Variants in SRM observed in about 807,000 individuals in gnomAD.
The protein encoded by SRM is putrescine aminopropyltransferase.
In SRM, 14 loss-of-function variants were observed where a neutral mutation model predicts 39.3. The observed-to-expected ratio is 0.36, with a 90% CI of 0.24 to 0.56. SRM has a LOEUF of 0.56. SRM is among the 20% of genes least tolerant of loss of function. The pLI is 0.86. For missense variants in SRM, 244 were observed against 409.2 expected (o/e 0.60, Z 3.48); for synonymous variants, 195 against 173.1 (o/e 1.13, Z -0.99).
At position 11,059,833 on chromosome 1, in the gene SRM, C is replaced by A. The variant is rs773212454; in HGVS notation, c.111G>T (p.Val37=). The A allele has an allele frequency of 6.4e-7, 1 of 1,574,252 alleles. No homozygotes were observed. ...LWPGQALSLQ[V]EQLLHHRRSR... Reference sequence around the variant, plus strand: ...AGCGCCGGTGGTGGAGCAGCTGCTCCACCTGCAGTGACAGGGCCTGGCCGG... The same window carrying A: ...AGCGCCGGTGGTGGAGCAGCTGCTCAACCTGCAGTGACAGGGCCTGGCCGG... The change falls in exon 1 of 8, where the codon GTG becomes GTT. Residue 37 remains valine, a synonymous_variant. Coordinates refer to ENST00000376957, the MANE Select transcript of SRM (RefSeq NM_003132.3).
intron 6 of SRM, 29 bp downstream of exon 6, chr1:11,055,752 A>AACCCCCCCCC: frequency 6.8e-7 from 1 of 1,466,030 alleles, no homozygotes; most frequent in Non-Finnish European, 9.3e-7. Flanking sequence ...CTTCCCCCCA[A>AACCCCCCCCC]CCCCCACCCC....
intron 3 of SRM, among the ~76,000 whole-genome samples, chr1:11,057,058 TAGAG>T (rs1638890929): frequency 6.6e-6 from 1 of 152,030 alleles, no homozygotes; most frequent in African/African-American, 2.4e-5. Flanking sequence ...AAATTTTTGG[TAGAG>T]ATAGAGTCTC....
chr1:11,058,577 AAAAAAAT>A, intron 3 of SRM: 1 of 415,722 alleles, frequency 2.4e-6, no homozygotes, highest in Non-Finnish European at 4.3e-6. Context: ...AAAAAAAAAA[AAAAAAAT>A]CAGCTCAGTT....
intron 4 of SRM, 56 bp downstream of exon 4, chr1:11,056,548 G>A (rs945424093): frequency 4.4e-6 from 7 of 1,605,298 alleles, no homozygotes; most frequent in Non-Finnish European, 5.1e-6. Context: ...GCCTGGGGGA[G>A]GCTGACCTCC....
intron 1 of SRM, 91 bp from the exon 2 acceptor site, chr1:11,059,436 C>T (rs1638937366): frequency 1.9e-6 from 3 of 1,571,834 alleles, no homozygotes; most frequent in Non-Finnish European, 2.6e-6. Flanking sequence ...TCTCCCCATC[C>T]CGCCTAGGGG....
chr1:11,059,932 G>T lies in SRM; in HGVS notation c.12C>A (p.Gly4=). MEP[G]PDGPAASGPA... is the part of the protein sequence containing the mutation. Reference sequence around the variant, plus strand: ...GGCCGGAGGCGGCGGGGCCGTCGGGGCCGGGCTCCATGGCGGGCGGGCGGG... The same window carrying T: ...GGCCGGAGGCGGCGGGGCCGTCGGGTCCGGGCTCCATGGCGGGCGGGCGGG... Residue 4 remains glycine, a synonymous_variant, in exon 1 of 8, where the codon GGC becomes GGA. Transcript: ENST00000376957. The T allele has an allele frequency of 8.4e-7, 1 of 1,194,038 alleles. No individual in the cohort carries two copies. Among genetic ancestry groups the T allele is most frequent in the Non-Finnish European group, 1.0e-6 (1 of 965,632 alleles). 74.0% of individuals were successfully genotyped at this position (1,194,038 alleles called of 1,614,324 possible).
At chr1:11,059,455 A>C in intron 1 of SRM, 110 bp from the exon 2 acceptor site, 1 of 1,529,416 alleles carries the variant, frequency 6.5e-7, no homozygotes, top group Non-Finnish European at 8.9e-7. Flanking sequence ...GGTCCCAGGG[A>C]TGAGGAGCGA....
At chr1:11,055,522 C>A (rs1570765966) in intron 6 of SRM, among the ~76,000 whole-genome samples, 1 of 151,942 alleles carries the variant, frequency 6.6e-6, no homozygotes, top group East Asian at 1.9e-4. Context: ...TCACGCCATT[C>A]TCCTGCCTCA....
At chr1:11,055,573 C>T (rs1281033844) in intron 6 of SRM, among the ~76,000 whole-genome samples, 1 of 152,094 alleles carries the variant, frequency 6.6e-6, no homozygotes, top group African/African-American at 2.4e-5. Flanking sequence ...CGCTGCCATG[C>T]CTGGCTAATT....
chr1:11,055,985 C>T, intron 5 of SRM, 26 bp downstream of exon 5: 1 of 1,601,112 alleles, frequency 6.2e-7, no homozygotes, highest in Non-Finnish European at 8.5e-7. Flanking sequence ...CCCGCCCCGC[C>T]CCAGTGCTCC....
chr1:11,058,674 G>C (rs779881784), intron 3 of SRM, 126 bp downstream of exon 3: 6 of 792,578 alleles, frequency 7.6e-6, no homozygotes, highest in Non-Finnish European at 9.7e-6. Context: ...AACCCTCCCC[G>C]ACCAGGTGTT....
chr1:11,055,890 T>G lies in SRM; in HGVS notation c.656A>C (p.Glu219Ala). The G allele has an allele frequency of 6.2e-7, 1 of 1,609,502 alleles. No homozygotes were observed. The change falls in exon 6 of 8, where the codon GAG becomes GCG. Residue 219 changes from glutamate (E) to alanine (A), a missense_variant. Transcript: ENST00000376957. ...CQWLHLDLIK[E>A]MRQFCQSLFP... Reference sequence around the variant, plus strand: ...CAGGGACTGGCAGAACTGCCGCATCTCCTTGATGAGGTCCAGGTGCAGCCA... The same window carrying G: ...CAGGGACTGGCAGAACTGCCGCATCGCCTTGATGAGGTCCAGGTGCAGCCA...
intron 4 of SRM, 63 bp from the exon 5 acceptor site, chr1:11,056,157 C>G: frequency 6.9e-7 from 1 of 1,446,500 alleles, no homozygotes; most frequent in Non-Finnish European, 9.3e-7. Context: ...CCACTGTCAC[C>G]CACACAGCTA....
intron 1 of SRM, 24 bp downstream of exon 1, chr1:11,059,753 G>C: frequency 1.9e-6 from 3 of 1,572,272 alleles, no homozygotes; most frequent in Non-Finnish European, 2.6e-6. Flanking sequence ...CTAGGGGGCA[G>C]GCGCCTGCGG....
chr1:11,058,744 C>T, intron 3 of SRM, 56 bp downstream of exon 3: 1 of 1,484,906 alleles, frequency 6.7e-7, no homozygotes, highest in Non-Finnish European at 9.1e-7. Flanking sequence ...CATTTCAGGG[C>T]ACAGCTGGCC....
intron 6 of SRM, chr1:11,055,297 T>A: frequency 1.7e-6 from 1 of 596,458 alleles, no homozygotes; most frequent in Non-Finnish European, 2.7e-6. Context: ...TGAGTAGTGA[T>A]GGGGTTTCTC....
In SRM at chr1:11,056,698, C is replaced by T. The variant is rs150839676; in HGVS notation, c.441G>A (p.Ser147=). The part of the protein sequence containing the change: ...LPGMAIGYSS[S]KLTLHVGDGF... Reference sequence around the variant, plus strand: ...CGTCACCCACATGTAGGGTCAGCTTCGAGCTAGAGTAGCCAATGGCCATGC... The same window carrying T: ...CGTCACCCACATGTAGGGTCAGCTTTGAGCTAGAGTAGCCAATGGCCATGC... Residue 147 remains serine (S), a synonymous_variant, in exon 4 of 8, where the codon TCG becomes TCA. Transcript: ENST00000376957. 3.5e-4 allele frequency: 560 copies of T among 1,614,030 alleles called. No homozygotes were observed. The highest frequency in any genetic ancestry group is 4.3e-4 in the Non-Finnish European group (508 of 1,180,022).
At chr1:11,055,286 T>A in intron 6 of SRM, 1 of 682,092 alleles carries the variant, frequency 1.5e-6, no homozygotes, top group Non-Finnish European at 2.2e-6. Flanking sequence ...TTTTTGTATT[T>A]TGAGTAGTGA....
At chr1:11,056,301 C>T (rs1638876879) in intron 4 of SRM, among the ~76,000 whole-genome samples, 1 of 152,172 alleles carries the variant, frequency 6.6e-6, no homozygotes, top group Admixed American at 6.5e-5. Flanking sequence ...CTAGAACCTG[C>T]CCCCACTCCA....
Sources: allele counts gnomAD v4.1 joint callset (sites outside exome capture counted in the v4.1 genomes callset), GRCh38; gene constraint gnomAD v4.1.1; transcripts MANE v1.5; gene names NCBI Gene and HGNC (gene_info 2026-07-23, HGNC 2026-07-21).